Variants in CCSER2 observed in about 807,000 individuals in gnomAD.
The protein encoded by CCSER2 is coiled-coil serine rich protein 2.
A neutral mutation model predicts 92.3 loss-of-function variants in CCSER2; 46 were observed. The observed-to-expected ratio is 0.50, with a 90% confidence interval of 0.39 to 0.64. The LOEUF is 0.64. CCSER2 is among the 30% of genes least tolerant of loss of function. The probability of loss-of-function intolerance (pLI) is 0.00; values close to 1 mark genes in which losing one functional copy is unlikely to be tolerated. For synonymous variants in CCSER2, 433 were observed against 431.4 expected, an observed-to-expected ratio of 1.00 and a Z score of -0.04; for missense variants, 1,244 against 1,238.9, an observed-to-expected ratio of 1.00 and a Z score of -0.06.
At chr10:84,509,855 C>T (rs1293911241) in intron 9 of CCSER2, among the ~76,000 whole-genome samples, 1 of 152,176 alleles carries the variant, frequency 6.6e-6, no homozygotes, top group Non-Finnish European at 1.5e-5. Flanking sequence ...TTCCCAAAGG[C>T]CTTTTTTGGA....
At chr10:84,404,109 C>T (rs1842256451) in intron 3 of CCSER2, among the ~76,000 whole-genome samples, 2 of 152,192 alleles carry the variant, frequency 1.3e-5, no homozygotes, top group Non-Finnish European at 2.9e-5. Context: ...CCAGGTTGCT[C>T]TGTAGCCAGA....
At chr10:84,455,030 G>C (rs527965817) in intron 6 of CCSER2, among the ~76,000 whole-genome samples, 1 of 152,130 alleles carries the variant, frequency 6.6e-6, no homozygotes, top group Non-Finnish European at 1.5e-5. Flanking sequence ...ATGAGGGGCA[G>C]TTCCCCTGCA....
In CCSER2 at chr10:84,415,721, G is replaced by A. The variant is rs1320549996; in HGVS notation, c.1615-2050G>A. Among the ~76,000 whole-genome samples the A allele has an allele frequency of 6.6e-5, 10 of 152,152 alleles. No homozygotes were observed. In the East Asian group the frequency reaches 1.2e-3, roughly 18 times the overall value. On this transcript the variant is annotated intron_variant, in intron 3 of 9. Transcript: ENST00000372088. ...CGTTGTGGGGGACACTTTCTTGTTCGGACTGTCTGGACTCTCCTGAGCCAG... is the reference window on the plus strand; with the variant it reads ...CGTTGTGGGGGACACTTTCTTGTTCAGACTGTCTGGACTCTCCTGAGCCAG...
At chr10:84,416,166 C>T (rs1434987611) in intron 3 of CCSER2, among the ~76,000 whole-genome samples, 4 of 152,308 alleles carry the variant, frequency 2.6e-5, no homozygotes, top group African/African-American at 7.2e-5. Context: ...CAATCACTCA[C>T]CACTTCTCTT....
chr10:84,497,691 G>A (rs1763976), intron 9 of CCSER2, among the ~76,000 whole-genome samples: 11,633 of 152,138 alleles, frequency 0.076, 498 homozygotes, highest in Middle Eastern at 0.12. Context: ...TAGAAGGTGG[G>A]ACATCTAATA....
At chr10:84,441,481 G>A (rs1564667116) in intron 6 of CCSER2, among the ~76,000 whole-genome samples, 1 of 151,856 alleles carries the variant, frequency 6.6e-6, no homozygotes, top group Non-Finnish European at 1.5e-5. Flanking sequence ...TGGTCATTTT[G>A]TTTTTTATGC....
chr10:84,386,684 T>C (rs1291754148), intron 3 of CCSER2, among the ~76,000 whole-genome samples: 2 of 152,148 alleles, frequency 1.3e-5, no homozygotes, highest in African/African-American at 2.4e-5. Context: ...TGCGCTGAGA[T>C]TATGTCACTG....
intron 4 of CCSER2, among the ~76,000 whole-genome samples, chr10:84,418,292 T>C (rs116263100): frequency 6.6e-6 from 1 of 152,342 alleles, no homozygotes; most frequent in African/African-American, 2.4e-5. Context: ...AATGGATCAT[T>C]CTGTACATTT....
At chr10:84,367,904 A>G (rs747895693) in intron 1 of CCSER2, among the ~76,000 whole-genome samples, 2 of 152,072 alleles carry the variant, frequency 1.3e-5, no homozygotes, top group Non-Finnish European at 2.9e-5. Flanking sequence ...TGTCTTGCTC[A>G]GGCTTAATTT....
intron 9 of CCSER2, among the ~76,000 whole-genome samples, chr10:84,490,555 G>T (rs1175095054): frequency 2.0e-5 from 3 of 151,968 alleles, no homozygotes; most frequent in Non-Finnish European, 4.4e-5. Flanking sequence ...TTGTGCATTC[G>T]TCACGTAGTT....
At chr10:84,335,292 C>T (rs917869637) in intron 1 of CCSER2, among the ~76,000 whole-genome samples, 3 of 127,872 alleles carry the variant, frequency 2.3e-5, no homozygotes, top group Non-Finnish European at 3.1e-5. Flanking sequence ...GCAGTGGTGT[C>T]ATCATGGCTC....
intron 9 of CCSER2, among the ~76,000 whole-genome samples, chr10:84,484,312 C>T (rs1847670725): frequency 6.6e-6 from 1 of 151,652 alleles, no homozygotes; most frequent in African/African-American, 2.4e-5. Context: ...GGGGTTTCAC[C>T]ATATTGGCCA....
In CCSER2 at chr10:84,406,371, A is replaced by C. The variant is rs367891132; in HGVS notation, c.1615-11400A>C. On this transcript the variant is annotated intron_variant, in intron 3 of 9. Transcript: ENST00000372088. ...TGTTTACACATCTATTTGTGCTTTA[A>C]AATTTATAAACTATACCCCCCAAAA... Among the ~76,000 whole-genome samples, 6 of 152,278 alleles carry C rather than the reference A, an allele frequency of 3.9e-5. No individual in the cohort carries two copies. The East Asian group carries it at 1.2e-3, about 29-fold the overall frequency.
intron 3 of CCSER2, among the ~76,000 whole-genome samples, chr10:84,374,558 C>G (rs1467945059): frequency 3.3e-5 from 5 of 152,120 alleles, no homozygotes; most frequent in Non-Finnish European, 7.4e-5. Flanking sequence ...GATCTGTTGA[C>G]CAGAACTAAT....
At chr10:84,406,709 A>T (rs960046470) in intron 3 of CCSER2, among the ~76,000 whole-genome samples, 1 of 152,320 alleles carries the variant, frequency 6.6e-6, no homozygotes, top group African/African-American at 2.4e-5. Flanking sequence ...GTCTATATGG[A>T]TGTTGGCTCC....
intron 5 of CCSER2, among the ~76,000 whole-genome samples, chr10:84,435,421 A>G (rs1216538102): frequency 6.6e-6 from 1 of 152,224 alleles, no homozygotes; most frequent in Non-Finnish European, 1.5e-5. Flanking sequence ...CTCATGGCGT[A>G]GCCTGCAGAC....
At chr10:84,415,886 G>A (rs1842864998) in intron 3 of CCSER2, among the ~76,000 whole-genome samples, 1 of 152,200 alleles carries the variant, frequency 6.6e-6, no homozygotes, top group Non-Finnish European at 1.5e-5. Context: ...CGTGTAAGGT[G>A]CCGTGCAAGT....
intron 1 of CCSER2, among the ~76,000 whole-genome samples, chr10:84,366,253 T>C (rs964912303): frequency 1.3e-5 from 2 of 152,130 alleles, no homozygotes; most frequent in Admixed American, 1.3e-4. Flanking sequence ...CTCGGAATCC[T>C]TTTCAACATA....
chr10:84,354,830 A>G (rs996360842), intron 1 of CCSER2, among the ~76,000 whole-genome samples: 3 of 151,480 alleles, frequency 2.0e-5, no homozygotes, highest in African/African-American at 7.3e-5. Flanking sequence ...TTCCCCAGAC[A>G]TAATGTTTGC....
Sources: allele counts gnomAD v4.1 joint callset (sites outside exome capture counted in the v4.1 genomes callset), GRCh38; gene constraint gnomAD v4.1.1; transcripts MANE v1.5; gene names NCBI Gene and HGNC (gene_info 2026-07-23, HGNC 2026-07-21).